The following IGSF21 variants were observed in gnomAD, a reference collection of about 807,000 sequenced individuals.
IGSF21 encodes the protein immunoglobin superfamily member 21, also known as immunoglobulin superfamily member 21.
A neutral mutation model predicts 46.8 loss-of-function variants in IGSF21; 28 were observed. The observed-to-expected ratio is 0.60, with a 90% CI of 0.44 to 0.82. The LOEUF (loss-of-function observed/expected upper bound fraction) is 0.82. IGSF21 is among the 40% of genes least tolerant of loss of function. The pLI, the probability that IGSF21 is intolerant of heterozygous loss-of-function variation, is 0.00. For synonymous variants in IGSF21, 284 were observed against 273.6 expected (o/e 1.04, Z -0.38); for missense variants, 624 against 665.5 (o/e 0.94, Z 0.69).
chr1:18,180,216 A>T (rs2086843276), intron 1 of IGSF21, among the ~76,000 whole-genome samples: 1 of 152,232 alleles, frequency 6.6e-6, no homozygotes, highest in Non-Finnish European at 1.5e-5. Context: ...CGAGGTGTAG[A>T]TGTTTACCAG....
In IGSF21 at chr1:18,376,248, C is replaced by T. The variant is rs1569905211; in HGVS notation, c.1016-62C>T. The T allele has an allele frequency of 5.2e-6, 6 of 1,151,752 alleles. No homozygotes were observed. The East Asian group carries it at 1.4e-4, about 27-fold the overall frequency. The allele number at this position is 1,151,752 out of a possible 1,614,324, so 71.3% of individuals were successfully genotyped here. A position where few individuals can be genotyped will look rare whatever the true frequency, so the allele number is the denominator to read the frequency against. On this transcript the variant is annotated intron_variant, in intron 6 of 9. Coordinates refer to ENST00000251296, the MANE Select transcript of IGSF21 (RefSeq NM_032880.5). Reference sequence around the variant, plus strand: ...GTTGATTGCTAGACTAGAACTTTCTCTTCCATGTACCCTGTCCCTCCTTTC... The same window carrying T: ...GTTGATTGCTAGACTAGAACTTTCTTTTCCATGTACCCTGTCCCTCCTTTC...
intron 1 of IGSF21, among the ~76,000 whole-genome samples, chr1:18,133,643 A>G (rs540814229): frequency 6.6e-6 from 1 of 152,228 alleles, no homozygotes; most frequent in South Asian, 2.1e-4. Context: ...TTCCCCTACC[A>G]ACAGTCTGCC....
chr1:18,278,747 G>A, intron 2 of IGSF21: 1 of 448,104 alleles, frequency 2.2e-6, no homozygotes, highest in South Asian at 1.6e-5. Context: ...GTAGAGATGG[G>A]GTTTCACCAT....
intron 3 of IGSF21, among the ~76,000 whole-genome samples, chr1:18,307,611 C>T (rs535682219): frequency 2.0e-4 from 30 of 152,330 alleles, no homozygotes; most frequent in Admixed American, 3.9e-4. Flanking sequence ...GGCTGTCCAT[C>T]GCTGCCCTGT....
Position 18,334,899 on chromosome 1 carries a change from G to A in IGSF21, c.313G>A (p.Glu105Lys), listed in dbSNP as rs748674620. Residue 105 changes from glutamate (E) to lysine (K), a missense_variant, in exon 4 of 10, where the codon GAG (glutamate) becomes AAG (lysine). Glu to Lys is a moderately conservative substitution (Grantham distance 56). Coordinates refer to ENST00000251296, the MANE Select transcript of IGSF21 (RefSeq NM_032880.5). This position sits in a 1 kb window ranked among gnomAD's most constrained non-coding sequence, Gnocchi z 4.3. Reference protein sequence around the residue: ...LVYQSTVRLPEVRISDNGPYE... With the variant: ...LVYQSTVRLPKVRISDNGPYE... Reference sequence around the variant, plus strand: ...GTCTTCTGCCTCCCCCAGGCTGCCCGAGGTCCGGATCTCAGACAATGGTCC... The same window carrying A: ...GTCTTCTGCCTCCCCCAGGCTGCCCAAGGTCCGGATCTCAGACAATGGTCC... 9.9e-6 allele frequency: 16 copies of A among 1,613,592 alleles called. No individual in the cohort carries two copies. The highest frequency in any genetic ancestry group is 2.7e-5 in the African/African-American group (2 of 74,890).
At chr1:18,281,407 A>T (rs1248430990) in intron 2 of IGSF21, among the ~76,000 whole-genome samples, 1 of 152,036 alleles carries the variant, frequency 6.6e-6, no homozygotes, top group Non-Finnish European at 1.5e-5. Context: ...TACTAAAAAA[A>T]ATATAAAAAC....
chr1:18,321,031 T>C (rs1041339303), intron 3 of IGSF21, among the ~76,000 whole-genome samples: 2 of 152,222 alleles, frequency 1.3e-5, no homozygotes, highest in African/African-American at 4.8e-5. Flanking sequence ...TGCTGCCTGC[T>C]TTTCTAGGGG....
intron 2 of IGSF21, among the ~76,000 whole-genome samples, chr1:18,262,792 G>T (rs1270354764): frequency 6.6e-6 from 1 of 152,196 alleles, no homozygotes; most frequent in African/African-American, 2.4e-5. Context: ...CCATCCAGAG[G>T]CAAGCTTTAC....
chr1:18,108,723 G>A (rs1399612397), intron 1 of IGSF21, among the ~76,000 whole-genome samples: 1 of 152,088 alleles, frequency 6.6e-6, no homozygotes, highest in East Asian at 1.9e-4. Flanking sequence ...GGGTGGGTAT[G>A]TGAGGTTTGG....
At chr1:18,205,140 GGAGAGAGAGA>G (rs140828822) in intron 1 of IGSF21, among the ~76,000 whole-genome samples, 25,693 of 149,632 alleles carry the variant, frequency 0.17, 2,337 homozygotes, top group Non-Finnish European at 0.2. Flanking sequence ...GATAAGAAGG[GGAGAGAGAGA>G]GAGAGAGAGA....
At chr1:18,273,416 T>TTC in intron 2 of IGSF21, among the ~76,000 whole-genome samples, 1 of 147,270 alleles carries the variant, frequency 6.8e-6, no homozygotes, top group African/African-American at 2.5e-5. Context: ...TTTCCTTTCT[T>TTC]TTCCTTTCCT....
At chr1:18,350,212 C>A (rs569888974) in intron 4 of IGSF21, among the ~76,000 whole-genome samples, 34 of 152,278 alleles carry the variant, frequency 2.2e-4, no homozygotes, top group South Asian at 6.2e-4. Flanking sequence ...TATGGGGAGC[C>A]CATGGCCAGG....
intron 5 of IGSF21, among the ~76,000 whole-genome samples, chr1:18,362,653 A>G (rs988882935): frequency 6.6e-6 from 1 of 152,162 alleles, no homozygotes; most frequent in Non-Finnish European, 1.5e-5. Context: ...CTCCAGGTTC[A>G]CTGGCATTCC....
chr1:18,349,785 A>C (rs1371785330), intron 4 of IGSF21, among the ~76,000 whole-genome samples: 4 of 152,120 alleles, frequency 2.6e-5, no homozygotes, highest in African/African-American at 9.7e-5. Context: ...AGCCAAGCGC[A>C]GTGTGCCTCA....
intron 7 of IGSF21, 147 bp from the exon 8 acceptor site, chr1:18,376,653 C>G: frequency 2.8e-6 from 2 of 724,248 alleles, no homozygotes; most frequent in Non-Finnish European, 4.6e-6. Flanking sequence ...GTCCCAGACT[C>G]CTCCTCCTCC....
intron 3 of IGSF21, among the ~76,000 whole-genome samples, chr1:18,331,271 C>T (rs1262674267): frequency 1.3e-5 from 2 of 151,332 alleles, no homozygotes; most frequent in South Asian, 2.1e-4. Flanking sequence ...CCCACCTTTT[C>T]CCCCAAATTC....
At chr1:18,364,043 C>T (rs901864680) in intron 5 of IGSF21, among the ~76,000 whole-genome samples, 1 of 152,052 alleles carries the variant, frequency 6.6e-6, no homozygotes, top group Non-Finnish European at 1.5e-5. Context: ...CTGAAAGGCA[C>T]AAAGAAAGGC....
intron 4 of IGSF21, among the ~76,000 whole-genome samples, chr1:18,338,789 G>A (rs552561092): frequency 3.9e-4 from 60 of 152,204 alleles, no homozygotes; most frequent in East Asian, 1.4e-3. Flanking sequence ...GTTTTTATCC[G>A]AGCTGCAGAT....
chr1:18,336,183 G>A (rs1337742308), intron 4 of IGSF21, among the ~76,000 whole-genome samples: 1 of 152,186 alleles, frequency 6.6e-6, no homozygotes, highest in Admixed American at 6.5e-5. Context: ...CTTATCTGTA[G>A]AGATTTTGCA....
Sources: allele counts gnomAD v4.1 joint callset (sites outside exome capture counted in the v4.1 genomes callset), GRCh38; gene constraint gnomAD v4.1.1; non-coding constraint Gnocchi (gnomAD v3.1); transcripts MANE v1.5; gene names NCBI Gene and HGNC (gene_info 2026-07-23, HGNC 2026-07-21).